The following LEPR variants were observed in gnomAD, a reference collection of about 807,000 sequenced individuals.
LEPR encodes leptin receptor, also known as OB receptor.
In LEPR, 56 loss-of-function variants were observed where a neutral mutation model predicts 114.7. The ratio of observed to expected loss-of-function variants is 0.49; its 90% CI spans 0.39 to 0.61. LEPR has a LOEUF of 0.61. Ranked by LOEUF, LEPR falls within the 20% of genes least tolerant of loss-of-function variation. LEPR has a pLI of 0.00. For synonymous variants in LEPR, 443 were observed against 461.4 expected (o/e 0.96, Z 0.51); for missense variants, 1,202 against 1,352.9 (o/e 0.89, Z 1.75).
Position 65,639,600 on chromosome 1 carries a change from TA to T in LEPR, c.*2589del, listed in dbSNP as rs1309935496. 1.3e-5 allele frequency: 2 copies of T among 152,200 alleles called. No individual in the cohort carries two copies. Among genetic ancestry groups the T allele is most frequent in the Non-Finnish European group, 2.9e-5 (2 of 68,028 alleles). 9.4% of individuals were successfully genotyped at this position (152,200 alleles called of 1,614,324 possible). On this transcript the variant is annotated 3_prime_UTR_variant, in exon 20 of 20. Transcript: ENST00000349533. ...TCCCACAGCTTCTATAAAAAAAATT[TA>T]AAAGGAAGGAGGAGCTGAAATAGGG...
chr1:65,467,107 G>A (rs1647023852), intron 2 of LEPR, among the ~76,000 whole-genome samples: 2 of 152,102 alleles, frequency 1.3e-5, no homozygotes, highest in African/African-American at 4.8e-5. Context: ...AGGAGAAGAG[G>A]CGCTCTATTT....
At chr1:65,592,265 T>G (rs1250380093) in intron 5 of LEPR, among the ~76,000 whole-genome samples, 3 of 119,536 alleles carry the variant, frequency 2.5e-5, no homozygotes, top group Non-Finnish European at 5.3e-5. Context: ...TTTTTTTTTT[T>G]TTGCCTGATG....
rs1219692394 is a variant in LEPR, at chr1:65,483,256, T to TATA, written c.-21+57878_-21+57879insATA. On this transcript the variant is annotated intron_variant, in intron 2 of 19. Transcript: ENST00000349533. ...AGATATACAAATCAATATTGATTTT[T>TATA]CTACAAATCAATAAGAAAAAGACAA... Among the ~76,000 whole-genome samples, 65 of 128,206 alleles carry TATA rather than the reference T, an allele frequency of 5.1e-4. 1 individual carries two copies. The highest frequency in any genetic ancestry group is 7.9e-4 in the Non-Finnish European group (41 of 52,150). 84.1% of individuals were successfully genotyped at this position (128,206 alleles called of 152,430 possible). A position where few individuals can be genotyped will look rare whatever the true frequency, so the allele number is the denominator to read the frequency against.
chr1:65,532,344 A>T (rs1188356539), intron 2 of LEPR, among the ~76,000 whole-genome samples: 1 of 152,192 alleles, frequency 6.6e-6, no homozygotes, highest in Non-Finnish European at 1.5e-5. Context: ...GTGGTAGGGG[A>T]AAAGACAGCA....
chr1:65,631,152 A>G (rs1445380850), intron 19 of LEPR, among the ~76,000 whole-genome samples: 1 of 152,088 alleles, frequency 6.6e-6, no homozygotes, highest in Admixed American at 6.6e-5. Flanking sequence ...AGCTAGCAAT[A>G]TTCCATGGCT....
intron 2 of LEPR, among the ~76,000 whole-genome samples, chr1:65,497,644 T>G (rs1648233397): frequency 6.6e-6 from 1 of 152,176 alleles, no homozygotes; most frequent in South Asian, 2.1e-4. Flanking sequence ...GTTTATACAC[T>G]CAAGCCTCAG....
intron 2 of LEPR, among the ~76,000 whole-genome samples, chr1:65,550,007 C>T (rs1245436691): frequency 6.6e-6 from 1 of 152,160 alleles, no homozygotes; most frequent in African/African-American, 2.4e-5. Flanking sequence ...GATGTCCTTT[C>T]TGTTTGTTAG....
chr1:65,556,257 C>A (rs1652808522), intron 2 of LEPR, among the ~76,000 whole-genome samples: 1 of 152,088 alleles, frequency 6.6e-6, no homozygotes, highest in Non-Finnish European at 1.5e-5. Context: ...GAATTGTGAG[C>A]AATACATTTC....
At chr1:65,634,251 A>G in intron 19 of LEPR, 1 of 973,950 alleles carries the variant, frequency 1.0e-6, no homozygotes, top group Non-Finnish European at 1.2e-6. Flanking sequence ...TTATATTTAG[A>G]TTTAACTCGT....
intron 12 of LEPR, among the ~76,000 whole-genome samples, chr1:65,609,589 C>A (rs1300290436): frequency 6.6e-6 from 1 of 152,206 alleles, no homozygotes; most frequent in Non-Finnish European, 1.5e-5. Flanking sequence ...ACAGTAGGTC[C>A]TATCTAACCA....
intron 2 of LEPR, among the ~76,000 whole-genome samples, chr1:65,451,842 G>T (rs187182727): frequency 6.6e-6 from 1 of 151,832 alleles, no homozygotes; most frequent in Non-Finnish European, 1.5e-5. Flanking sequence ...GATGGGTATG[G>T]CATTGAATCT....
At chr1:65,557,469 G>T (rs772069627) in intron 2 of LEPR, among the ~76,000 whole-genome samples, 12 of 152,074 alleles carry the variant, frequency 7.9e-5, no homozygotes, top group Admixed American at 4.6e-4. Context: ...ATCCAGGCTG[G>T]AGTGCAGTGG....
intron 2 of LEPR, among the ~76,000 whole-genome samples, chr1:65,457,870 G>A (rs777570667): frequency 6.6e-6 from 1 of 152,154 alleles, no homozygotes; most frequent in Non-Finnish European, 1.5e-5. Flanking sequence ...AGCTGAAGTT[G>A]ATAGTATATT....
At chr1:65,434,281 G>A (rs1019325396) in intron 2 of LEPR, 37 of 983,356 alleles carry the variant, frequency 3.8e-5, no homozygotes, top group Non-Finnish European at 4.2e-5. Flanking sequence ...TTTGATCATG[G>A]TGACACAAAT....
intron 2 of LEPR, among the ~76,000 whole-genome samples, chr1:65,548,445 G>A (rs1247384132): frequency 6.6e-6 from 1 of 152,076 alleles, no homozygotes; most frequent in Non-Finnish European, 1.5e-5. Context: ...GGGAGTCTAA[G>A]TCTCTTTGTA....
chr1:65,611,446 C>T, intron 14 of LEPR, among the ~76,000 whole-genome samples: 1 of 152,176 alleles, frequency 6.6e-6, no homozygotes, highest in East Asian at 1.9e-4. Context: ...TTGGTTTTAT[C>T]TCCATGGGCA....
chr1:65,425,597 C>T (rs1456484688), intron 2 of LEPR, among the ~76,000 whole-genome samples: 1 of 152,060 alleles, frequency 6.6e-6, no homozygotes. Flanking sequence ...TTAACACCTA[C>T]TCTGGACTAG....
intron 14 of LEPR, among the ~76,000 whole-genome samples, chr1:65,611,494 A>G (rs1449995675): frequency 6.6e-6 from 1 of 152,212 alleles, no homozygotes; most frequent in Admixed American, 6.5e-5. Flanking sequence ...AGTGAAGGAC[A>G]GGCAGTGATG....
chr1:65,437,740 G>T (rs1461858952), intron 2 of LEPR, among the ~76,000 whole-genome samples: 1 of 152,126 alleles, frequency 6.6e-6, no homozygotes, highest in Non-Finnish European at 1.5e-5. Context: ...AGTGGGGAAG[G>T]AGGATAAGTA....
Sources: allele counts gnomAD v4.1 joint callset (sites outside exome capture counted in the v4.1 genomes callset), GRCh38; gene constraint gnomAD v4.1.1; transcripts MANE v1.5; gene names NCBI Gene and HGNC (gene_info 2026-07-23, HGNC 2026-07-21).